The following ADD3 variants were observed in gnomAD, a reference collection of about 807,000 sequenced individuals.
The protein encoded by ADD3 is gamma-adducin.
A neutral mutation model predicts 80.2 loss-of-function variants in ADD3; 25 were observed. The observed-to-expected ratio is 0.31, with a 90% CI of 0.23 to 0.44. The LOEUF (loss-of-function observed/expected upper bound fraction) is 0.44. Ranked by LOEUF, ADD3 falls within the 20% of genes least tolerant of loss-of-function variation. The pLI, the probability that ADD3 is intolerant of heterozygous loss-of-function variation, is 1.00. For missense variants in ADD3, 829 were observed against 847.5 expected, an observed-to-expected ratio of 0.98 and a Z score of 0.27; for synonymous variants, 284 against 289.6, an observed-to-expected ratio of 0.98 and a Z score of 0.20.
rs77951715 is a variant in ADD3, at chr10:110,078,452, A to G, written c.-29-22173A>G. Among the ~76,000 whole-genome samples, 1,234 of 152,358 alleles carry G rather than the reference A, an allele frequency of 8.1e-3. 6 individuals carry two copies. The highest frequency in any genetic ancestry group is 0.034 in the Middle Eastern group (10 of 294). ...TGAAAACTAAAGCTTTACTTTAAGA[A>G]GTTGTGTCTGTCAGGAATTTTGAAA... On this transcript the variant is annotated intron_variant, in intron 1 of 14. Transcript: ENST00000356080.
chr10:110,098,038 G>A (rs576840900), intron 1 of ADD3, among the ~76,000 whole-genome samples: 1 of 152,284 alleles, frequency 6.6e-6, no homozygotes, highest in East Asian at 1.9e-4. Flanking sequence ...GCCTCCCAAA[G>A]TGCTGGGATT....
At chr10:110,041,603 A>G (rs1856370081) in intron 1 of ADD3, among the ~76,000 whole-genome samples, 1 of 152,198 alleles carries the variant, frequency 6.6e-6, no homozygotes, top group Non-Finnish European at 1.5e-5. Context: ...GTTCACACTC[A>G]CATTTCCACA....
intron 12 of ADD3, among the ~76,000 whole-genome samples, chr10:110,128,921 G>A (rs1268971574): frequency 6.6e-6 from 1 of 152,150 alleles, no homozygotes; most frequent in South Asian, 2.1e-4. Flanking sequence ...GAAGCTCTGG[G>A]TATACACAGA....
chr10:110,010,602 C>A (rs1234804264), intron 1 of ADD3, among the ~76,000 whole-genome samples: 1 of 152,190 alleles, frequency 6.6e-6, no homozygotes, highest in Non-Finnish European at 1.5e-5. Context: ...TGTGAAGACT[C>A]AGCAAATATT....
At chr10:110,064,392 G>C (rs779731476) in intron 1 of ADD3, among the ~76,000 whole-genome samples, 6 of 152,118 alleles carry the variant, frequency 3.9e-5, no homozygotes, top group Non-Finnish European at 8.8e-5. Context: ...GCCAGTACTT[G>C]ATATTAAGTT....
At chr10:110,091,227 T>C (rs1590076587) in intron 1 of ADD3, among the ~76,000 whole-genome samples, 1 of 152,230 alleles carries the variant, frequency 6.6e-6, no homozygotes, top group African/African-American at 2.4e-5. Flanking sequence ...ATCTAATGGC[T>C]GGATATATCT....
chr10:110,130,328 T>C, intron 12 of ADD3, 35 bp from the exon 13 acceptor site: 1 of 1,606,802 alleles, frequency 6.2e-7, no homozygotes, highest in Non-Finnish European at 8.5e-7. Flanking sequence ...GTAAAACTCT[T>C]GGTAATGAAT....
intron 1 of ADD3, among the ~76,000 whole-genome samples, chr10:110,079,976 T>C (rs951030741): frequency 1.3e-5 from 2 of 152,224 alleles, no homozygotes; most frequent in East Asian, 1.9e-4. Flanking sequence ...GACGTACTTA[T>C]GCTATCAGTC....
At chr10:110,051,794 T>C (rs1857542707) in intron 1 of ADD3, among the ~76,000 whole-genome samples, 1 of 152,186 alleles carries the variant, frequency 6.6e-6, no homozygotes, top group African/African-American at 2.4e-5. Flanking sequence ...TTTTTACGGT[T>C]GGCTTTTTAT....
chr10:110,133,492 A>G lies in ADD3; in HGVS notation c.1995A>G (p.Pro665=), dbSNP rs535722078. Residue 665 remains proline, a synonymous_variant, in exon 15 of 15, where the codon CCA becomes CCG. Transcript: ENST00000356080. The part of the protein sequence containing the change: ...IENIEITIKS[P]EKIEEVLSPE... ...ACATCGAGATTACTATTAAGTCTCC[A>G]GAGAAAATCGAAGAAGTCCTGTCAC... is the stretch of plus-strand genomic sequence containing the variant. The G allele has an allele frequency of 6.2e-7, 1 of 1,614,012 alleles. No homozygotes were observed. Among genetic ancestry groups the G allele is most frequent in the East Asian group, 2.2e-5 (1 of 44,876 alleles).
intron 1 of ADD3, among the ~76,000 whole-genome samples, chr10:110,023,890 A>G (rs952525162): frequency 6.6e-6 from 1 of 152,318 alleles, no homozygotes; most frequent in Middle Eastern, 3.4e-3. Flanking sequence ...TGTGCATTGC[A>G]TTATCCCAAG....
intron 1 of ADD3, among the ~76,000 whole-genome samples, chr10:110,041,941 A>AT (rs1333779895): frequency 1.3e-5 from 2 of 152,274 alleles, no homozygotes; most frequent in South Asian, 2.1e-4. Flanking sequence ...TATGTGGATA[A>AT]TTTTTTTATA....
chr10:110,081,950 A>G (rs1846105597), intron 1 of ADD3, among the ~76,000 whole-genome samples: 1 of 152,202 alleles, frequency 6.6e-6, no homozygotes, highest in African/African-American at 2.4e-5. Flanking sequence ...AAAATCAGTC[A>G]AATAGATTGT....
intron 1 of ADD3, among the ~76,000 whole-genome samples, chr10:110,066,778 C>G (rs1206882190): frequency 2.6e-5 from 4 of 152,128 alleles, no homozygotes; most frequent in Non-Finnish European, 5.9e-5. Flanking sequence ...AAATTTTAAG[C>G]AGCTTATATT....
At chr10:110,126,363 G>A (rs1852156171) in intron 11 of ADD3, 54 bp from the exon 12 acceptor site, 1 of 1,322,736 alleles carries the variant, frequency 7.6e-7, no homozygotes, top group Non-Finnish European at 1.1e-6. Context: ...TAAAGCAAAG[G>A]TCATCTGCAT....
At chr10:110,062,720 C>T (rs1423047166) in intron 1 of ADD3, among the ~76,000 whole-genome samples, 1 of 152,176 alleles carries the variant, frequency 6.6e-6, no homozygotes, top group African/African-American at 2.4e-5. Context: ...ATCTTCCTCC[C>T]AGCCTTTGCT....
At chr10:110,102,398 T>C (rs11194983) in intron 2 of ADD3, among the ~76,000 whole-genome samples, 20,052 of 152,060 alleles carry the variant, frequency 0.13, 4,257 homozygotes, top group African/African-American at 0.45. Flanking sequence ...TGCTTGAGCC[T>C]AGGAGTTTGA....
chr10:110,082,750 T>C (rs1846218458), intron 1 of ADD3, among the ~76,000 whole-genome samples: 1 of 152,226 alleles, frequency 6.6e-6, no homozygotes. Flanking sequence ...AATTGCTCTT[T>C]TTATGTATGT....
At chr10:110,018,703 G>A (rs185142456) in intron 1 of ADD3, among the ~76,000 whole-genome samples, 2 of 152,220 alleles carry the variant, frequency 1.3e-5, no homozygotes, top group Admixed American at 1.3e-4. Context: ...TAGCATGATG[G>A]GAGATAGTTT....
Sources: gnomAD v4.1 joint callset for allele counts (sites outside exome capture counted in the v4.1 genomes callset) on GRCh38, gnomAD v4.1.1 for gene constraint, MANE v1.5 for transcripts, NCBI Gene and HGNC (gene_info 2026-07-23, HGNC 2026-07-21) for gene names.